CCSER1: variants seen among roughly 807,000 people sequenced by gnomAD.
CCSER1 encodes the protein serine-rich coiled-coil domain-containing protein 1.
CCSER1 carries 41 observed loss-of-function variants against 82.0 expected under a neutral mutation model. The ratio of observed to expected loss-of-function variants is 0.50; its 90% CI spans 0.39 to 0.65. The LOEUF (loss-of-function observed/expected upper bound fraction) is 0.65, where lower values mean the gene tolerates loss of function less well. Ranked by LOEUF, CCSER1 falls within the 30% of genes least tolerant of loss-of-function variation. The pLI, the probability that CCSER1 is intolerant of heterozygous loss-of-function variation, is 0.00. For missense variants in CCSER1, 1,119 were observed against 1,064.2 expected, an observed-to-expected ratio of 1.05 and a Z score of -0.72; for synonymous variants, 414 against 383.9, an observed-to-expected ratio of 1.08 and a Z score of -0.92.
At chr4:90,921,729 T>C (rs1039746479) in intron 8 of CCSER1, among the ~76,000 whole-genome samples, 38 of 152,030 alleles carry the variant, frequency 2.5e-4, no homozygotes, top group African/African-American at 9.2e-4. Flanking sequence ...TTTCCCCTGC[T>C]CTATACATGA....
chr4:91,070,012 T>G (rs1206442193), intron 9 of CCSER1, among the ~76,000 whole-genome samples: 2 of 151,468 alleles, frequency 1.3e-5, no homozygotes, highest in Non-Finnish European at 2.9e-5. Context: ...CAAGAAATAG[T>G]CTTGCTCTGT....
intron 9 of CCSER1, among the ~76,000 whole-genome samples, chr4:91,038,043 G>A (rs1289782261): frequency 6.6e-6 from 1 of 151,982 alleles, no homozygotes; most frequent in Non-Finnish European, 1.5e-5. Flanking sequence ...CTCTTAATTT[G>A]TGGGCCTGAC....
intron 7 of CCSER1, among the ~76,000 whole-genome samples, chr4:90,751,401 A>G (rs540886188): frequency 1.3e-5 from 2 of 152,228 alleles, no homozygotes; most frequent in South Asian, 4.1e-4. Flanking sequence ...GTTCTTATTC[A>G]GATTTAAATT....
At chr4:91,343,467 T>A (rs1283271013) in intron 10 of CCSER1, among the ~76,000 whole-genome samples, 1 of 152,086 alleles carries the variant, frequency 6.6e-6, no homozygotes, top group African/African-American at 2.4e-5. Context: ...ACTTACCATT[T>A]AAAAAAATAC....
intron 7 of CCSER1, among the ~76,000 whole-genome samples, chr4:90,754,261 TAATA>T (rs993260699): frequency 1.3e-5 from 2 of 152,224 alleles, no homozygotes; most frequent in African/African-American, 4.8e-5. Context: ...AAAACCTGTT[TAATA>T]AATATTTTTG....
chr4:91,359,479 A>G (rs1357283551), intron 10 of CCSER1, among the ~76,000 whole-genome samples: 2 of 151,898 alleles, frequency 1.3e-5, no homozygotes, highest in African/African-American at 4.8e-5. Context: ...TATGATGGCA[A>G]AAGCTGCTAC....
intron 10 of CCSER1, among the ~76,000 whole-genome samples, chr4:91,166,042 G>A (rs1351457722): frequency 1.3e-5 from 2 of 152,156 alleles, no homozygotes; most frequent in African/African-American, 4.8e-5. Context: ...GATCGGATCT[G>A]TTCCTATTTG....
intron 10 of CCSER1, among the ~76,000 whole-genome samples, chr4:91,353,561 A>G (rs964496460): frequency 3.3e-5 from 5 of 152,232 alleles, no homozygotes; most frequent in Non-Finnish European, 7.3e-5. Context: ...GTATACAACA[A>G]TATAAAACAA....
At chr4:90,450,265 A>G (rs6843585) in intron 4 of CCSER1, among the ~76,000 whole-genome samples, 37,334 of 152,146 alleles carry the variant, frequency 0.25, 6,493 homozygotes, top group African/African-American at 0.48. Context: ...AATATGTGAA[A>G]GAAAGTATCT....
intron 10 of CCSER1, among the ~76,000 whole-genome samples, chr4:91,147,204 G>A (rs189672816): frequency 2.6e-5 from 4 of 152,280 alleles, no homozygotes; most frequent in East Asian, 1.9e-4. Context: ...CAGGCAGGGC[G>A]GTGGTTTCAT....
intron 9 of CCSER1, among the ~76,000 whole-genome samples, chr4:90,957,525 A>T (rs59726185): frequency 0.074 from 9,144 of 123,912 alleles, 516 homozygotes; most frequent in East Asian, 0.21. Flanking sequence ...ACATAATATC[A>T]TATATTATAT....
intron 5 of CCSER1, among the ~76,000 whole-genome samples, chr4:90,591,897 A>C (rs1782749527): frequency 6.6e-6 from 1 of 152,198 alleles, no homozygotes; most frequent in Non-Finnish European, 1.5e-5. Flanking sequence ...ACATGGATGA[A>C]GCTGGACACC....
chr4:90,709,944 C>CT (rs1304690313), intron 6 of CCSER1, among the ~76,000 whole-genome samples: 1,140 of 93,522 alleles, frequency 0.012, 14 homozygotes, highest in African/African-American at 0.046. Flanking sequence ...TTGCCAGCAT[C>CT]TGTTTTTTTT....
chr4:90,391,488 A>C (rs1751107335), intron 3 of CCSER1, among the ~76,000 whole-genome samples: 1 of 83,016 alleles, frequency 1.2e-5, no homozygotes, highest in South Asian at 3.2e-4. Context: ...ATATATATAC[A>C]CACACACAGT....
chr4:90,727,404 G>GT (rs1197453711), intron 7 of CCSER1: 3 of 395,700 alleles, frequency 7.6e-6, no homozygotes, highest in African/African-American at 2.1e-5. Context: ...TAGCCATTAA[G>GT]TTTTTTATAG....
chr4:90,272,872 A>G (rs911541975), intron 1 of CCSER1, among the ~76,000 whole-genome samples: 1 of 152,088 alleles, frequency 6.6e-6, no homozygotes, highest in Admixed American at 6.6e-5. Flanking sequence ...GCATGGTGGC[A>G]TGCGCCTGTA....
At position 90,897,223 on chromosome 4, in the gene CCSER1, C is replaced by T. The variant is rs185388257; in HGVS notation, c.2095-26147C>T. On this transcript the variant is annotated intron_variant, in intron 8 of 10. Transcript: ENST00000509176. Reference sequence around the variant, plus strand: ...TGCTAGTGTTTGGGTTTCAAGGGAACCCATCACCCAAATAGTGAAGAGAGT... The same window carrying T: ...TGCTAGTGTTTGGGTTTCAAGGGAATCCATCACCCAAATAGTGAAGAGAGT... 3.4e-3 allele frequency among the ~76,000 whole-genome samples: 518 copies of T among 151,942 alleles called. 2 individuals are homozygous for T. The highest frequency in any genetic ancestry group is 5.2e-3 in the Non-Finnish European group (356 of 67,886).
At chr4:90,180,588 C>CAA (rs993191641) in intron 1 of CCSER1, among the ~76,000 whole-genome samples, 1 of 142,880 alleles carries the variant, frequency 7.0e-6, no homozygotes. Context: ...GACTCTGTCT[C>CAA]AAAAAAAAAA....
At chr4:90,933,258 G>T in intron 9 of CCSER1, among the ~76,000 whole-genome samples, 1 of 150,182 alleles carries the variant, frequency 6.7e-6, no homozygotes. Context: ...CGCGGTCTCG[G>T]CTCACTGCAA....
Sources: allele counts gnomAD v4.1 joint callset (sites outside exome capture counted in the v4.1 genomes callset), GRCh38; gene constraint gnomAD v4.1.1; transcripts MANE v1.5; gene names NCBI Gene and HGNC (gene_info 2026-07-23, HGNC 2026-07-21).